CXCR1: variants seen among roughly 807,000 people sequenced by gnomAD.
The protein encoded by CXCR1 is C-X-C motif chemokine receptor 1.
For synonymous variants in CXCR1, 180 were observed against 184.7 expected, an observed-to-expected ratio of 0.97 and a Z score of 0.21; for missense variants, 419 against 440.5, an observed-to-expected ratio of 0.95 and a Z score of 0.44.
At position 218,164,816 on chromosome 2, in the gene CXCR1, ACT is replaced by A; in HGVS notation, c.394_395del (p.Ser132CysfsTer57). 6.2e-7 allele frequency: 1 copy of A among 1,614,248 alleles called. No homozygotes were observed. The highest frequency in any genetic ancestry group is 1.6e-4 in the Middle Eastern group (1 of 6,062). On this transcript the variant is annotated frameshift_variant, in exon 2 of 2. Transcript: ENST00000295683. LOFTEE classifies it low-confidence loss of function (END_TRUNC). ...GGACAATGGCCAGGTAACGGTCCAC[ACT>A]GATGCAGGCCAACAGCAGGATGCCA... Reference protein sequence around the residue: ...YSGILLLACISVDRYLAIVHA... With the variant: ...YSGILLLACIXVDRYLAIVHA...
rs750457216 is a variant in CXCR1, at chr2:218,165,228, G to A, written c.-17C>T. ...ATTTGACATGTCCTCTTCAGTTTCA[G>A]CAATGGTTTGATCTAACTGGAAGGT... On this transcript the variant is annotated 5_prime_UTR_variant, in exon 2 of 2. Transcript: ENST00000295683. The A allele has an allele frequency of 1.9e-6, 3 of 1,610,448 alleles. No individual in the cohort carries two copies. The highest frequency in any genetic ancestry group is 1.1e-5 in the South Asian group (1 of 91,038).
chr2:218,166,835 A>G (rs1280466665), intron 1 of CXCR1, 73 bp downstream of exon 1: 3 of 152,198 alleles, frequency 2.0e-5, no homozygotes, highest in South Asian at 2.1e-4. Flanking sequence ...AAATGAATAC[A>G]TTTTCCAAAA....
Position 218,164,952 on chromosome 2 carries a change from A to G in CXCR1, c.260T>C (p.Leu87Pro). 1.2e-6 allele frequency: 2 copies of G among 1,614,224 alleles called. No homozygotes were observed. Among genetic ancestry groups the G allele is most frequent in the Non-Finnish European group, 1.7e-6 (2 of 1,180,044 alleles). Residue 87 changes from leucine (L) to proline (P), a missense_variant, in exon 2 of 2, where the codon CTC (leucine) becomes CCC (proline). Leu to Pro is a moderately conservative substitution (Grantham distance 98, BLOSUM62 -3). Coordinates refer to ENST00000295683, the MANE Select transcript of CXCR1 (RefSeq NM_000634.3). ...YLLNLALADL[L>P]FALTLPIWAA... ...CCAGATGGGCAAGGTCAGGGCAAAG[A>G]GTAGGTCGGCCAAGGCCAGGTTCAG...
In CXCR1 at chr2:218,163,633, G is replaced by A. The variant is rs1691228290; in HGVS notation, c.*526C>T. ...TCCTCACAAGGCCAGCTGGCAGGTT[G>A]ATGTTTTGGCAGTGCCTGCCTCAAT... is the stretch of plus-strand genomic sequence containing the variant. On this transcript the variant is annotated 3_prime_UTR_variant, in exon 2 of 2. Coordinates refer to ENST00000295683, the MANE Select transcript of CXCR1 (RefSeq NM_000634.3). 1 of 162,198 alleles carries A rather than the reference G, an allele frequency of 6.2e-6. No homozygotes were observed. The highest frequency in any genetic ancestry group is 5.7e-5 in the Admixed American group (1 of 17,546). 10.0% of individuals were successfully genotyped at this position (162,198 alleles called of 1,614,324 possible).
rs1434464306 is a variant in CXCR1, at chr2:218,164,356, C to T, written c.856G>A (p.Ala286Thr). 2.5e-6 allele frequency: 4 copies of T among 1,612,694 alleles called. No homozygotes were observed. The highest frequency in any genetic ancestry group is 1.3e-5 in the African/African-American group (1 of 74,880). The change falls in exon 2 of 2, where the codon GCC (alanine) becomes ACC (threonine). Residue 286 changes from alanine (A) to threonine (T), a missense_variant. Coordinates refer to ENST00000295683, the MANE Select transcript of CXCR1 (RefSeq NM_000634.3). ...SCERRNNIGR[A>T]LDATEILGFL... ...CCCAGAATCTCAGTGGCATCCAGGG[C>T]CCGGCCGATGTTGTTGCGGCGCTCA...
chr2:218,165,268 T>A, intron 1 of CXCR1, 24 bp from the exon 2 acceptor site: 1 of 1,483,206 alleles, frequency 6.7e-7, no homozygotes, highest in Non-Finnish European at 9.4e-7. Context: ...AGGAAGGAAA[T>A]GTGATTTAGT....
rs771984231 is a variant in CXCR1, at chr2:218,165,173, A to G, written c.39T>C (p.Asp13=). 6.2e-7 allele frequency: 1 copy of G among 1,614,230 alleles called. No homozygotes were observed. Among genetic ancestry groups the G allele is most frequent in the Admixed American group, 1.7e-5 (1 of 60,028 alleles). The change falls in exon 2 of 2, where the codon GAT becomes GAC. Residue 13 remains aspartate, a synonymous_variant. Coordinates refer to ENST00000295683, the MANE Select transcript of CXCR1 (RefSeq NM_000634.3). ...NITDPQMWDF[D]DLNFTGMPPA... is the part of the protein sequence containing the mutation. The stretch of plus-strand genomic sequence containing the variant: ...GTGGCATGCCAGTGAAATTTAGATC[A>G]TCAAAATCCCACATCTGTGGATCTG...
intron 1 of CXCR1, among the ~76,000 whole-genome samples, chr2:218,165,980 G>A (rs929130236): frequency 1.3e-5 from 2 of 152,158 alleles, no homozygotes; most frequent in Admixed American, 6.5e-5. Flanking sequence ...AGCCCAGTAT[G>A]TGAAGCAGAT....
rs1474555785 is a variant in CXCR1 at position 218,162,994 on chromosome 2, A to T, written c.*1165T>A. Reference sequence around the variant, plus strand: ...GAAAGCATTTGGGGAGGGACTGGTGAGCTCACATAGCTTGAGGCAGGGCTA... The same window carrying T: ...GAAAGCATTTGGGGAGGGACTGGTGTGCTCACATAGCTTGAGGCAGGGCTA... On this transcript the variant is annotated 3_prime_UTR_variant, in exon 2 of 2. Coordinates refer to ENST00000295683, the MANE Select transcript of CXCR1 (RefSeq NM_000634.3). 1.3e-5 allele frequency: 2 copies of T among 152,438 alleles called. No individual in the cohort carries two copies. The highest frequency in any genetic ancestry group is 4.8e-5 in the African/African-American group (2 of 41,452). 9.4% of individuals were successfully genotyped at this position (152,438 alleles called of 1,614,324 possible).
rs1164801954 is a variant in CXCR1 at position 218,164,345 on chromosome 2, G to C, written c.867C>G (p.Ala289=). The change falls in exon 2 of 2, where the codon GCC becomes GCG. Residue 289 remains alanine (A), a synonymous_variant. Transcript: ENST00000295683. ...RRNNIGRALD[A]TEILGFLHSC... ...TATGGAGAAATCCCAGAATCTCAGT[G>C]GCATCCAGGGCCCGGCCGATGTTGT... The C allele has an allele frequency of 6.2e-7, 1 of 1,612,088 alleles. No homozygotes were observed. The highest frequency in any genetic ancestry group is 8.5e-7 in the Non-Finnish European group (1 of 1,178,518).
Position 218,165,171 on chromosome 2 carries a change from T to C in CXCR1, c.41A>G (p.Asp14Gly). 6.2e-7 allele frequency: 1 copy of C among 1,614,228 alleles called. No individual in the cohort carries two copies. Among genetic ancestry groups the C allele is most frequent in the South Asian group, 1.1e-5 (1 of 91,090 alleles). ...ITDPQMWDFD[D>G]LNFTGMPPAD... ...AGGTGGCATGCCAGTGAAATTTAGA[T>C]CATCAAAATCCCACATCTGTGGATC... Residue 14 changes from aspartate (D) to glycine (G), a missense_variant, in exon 2 of 2, where the codon GAT becomes GGT. By Grantham distance (94) the Asp-to-Gly change is moderately conservative. Coordinates refer to ENST00000295683, the MANE Select transcript of CXCR1 (RefSeq NM_000634.3).
At position 218,163,862 on chromosome 2, in the gene CXCR1, G is replaced by A. The variant is rs1425452084; in HGVS notation, c.*297C>T. 1 of 397,812 alleles carries A rather than the reference G, an allele frequency of 2.5e-6. No homozygotes were observed. Among genetic ancestry groups the A allele is most frequent in the Non-Finnish European group, 4.8e-6 (1 of 208,016 alleles). The allele number at this position is 397,812 out of a possible 1,614,324, so 24.6% of individuals were successfully genotyped here. On this transcript the variant is annotated 3_prime_UTR_variant, in exon 2 of 2. Coordinates refer to ENST00000295683, the MANE Select transcript of CXCR1 (RefSeq NM_000634.3). ...TCTCTCATCTAATGTCAGATTCGGG[G>A]CTCAGATGTGGCCATGCTAATTAGC...
chr2:218,164,581 A>G lies in CXCR1; in HGVS notation c.631T>C (p.Phe211Leu), dbSNP rs376321971. 1.7e-5 allele frequency: 27 copies of G among 1,614,120 alleles called. No homozygotes were observed. Among genetic ancestry groups the G allele is most frequent in the Admixed American group, 1.0e-4 (6 of 60,000 alleles). Residue 211 changes from phenylalanine to leucine, a missense_variant, in exon 2 of 2, where the codon TTC becomes CTC. By Grantham distance (22) the Phe-to-Leu change is conservative. Coordinates refer to ENST00000295683, the MANE Select transcript of CXCR1 (RefSeq NM_000634.3). ...AGCATGACAAACAGCGGCACGATGA[A>G]GCCAAAGGTGTGAGGCAGGATCCGC... ...VLRILPHTFG[F>L]IVPLFVMLFC...
rs776736186 is a variant in CXCR1, at chr2:218,164,138, A to G, written c.*21T>C. On this transcript the variant is annotated 3_prime_UTR_variant, in exon 2 of 2. Coordinates refer to ENST00000295683, the MANE Select transcript of CXCR1 (RefSeq NM_000634.3). ...GGTTATTCTTTCCTTCTGAGAAGAGATATTCCTTCATCGATGGTTTTCAGA... is the reference window on the plus strand; with the variant it reads ...GGTTATTCTTTCCTTCTGAGAAGAGGTATTCCTTCATCGATGGTTTTCAGA... 2.5e-6 allele frequency: 4 copies of G among 1,611,134 alleles called. No homozygotes were observed. The highest frequency in any genetic ancestry group is 3.4e-6 in the Non-Finnish European group (4 of 1,178,152).
chr2:218,164,178 T>A lies in CXCR1; in HGVS notation c.1034A>T (p.Asn345Ile). The A allele has an allele frequency of 6.2e-7, 1 of 1,614,124 alleles. No homozygotes were observed. The highest frequency in any genetic ancestry group is 2.2e-5 in the East Asian group (1 of 44,886). The change falls in exon 2 of 2, where the codon AAT becomes ATT. Residue 345 changes from asparagine to isoleucine, a missense_variant. Coordinates refer to ENST00000295683, the MANE Select transcript of CXCR1 (RefSeq NM_000634.3). Reference sequence around the variant, plus strand: ...TGGTTTTCAGAGGTTGGAAGAGACATTGACAGACGAAGAAGTGTAGGAGGT... The same window carrying A: ...TGGTTTTCAGAGGTTGGAAGAGACAATGACAGACGAAGAAGTGTAGGAGGT... The part of the protein sequence containing the change: ...RVTSYTSSSV[N>I]VSSNL
At position 218,164,846 on chromosome 2, in the gene CXCR1, G is replaced by A. The variant is rs1310736547; in HGVS notation, c.366C>T (p.Tyr122=). The change falls in exon 2 of 2, where the codon TAC becomes TAT. Residue 122 remains tyrosine (Y), a synonymous_variant. Coordinates refer to ENST00000295683, the MANE Select transcript of CXCR1 (RefSeq NM_000634.3). ...TGCAGGCCAACAGCAGGATGCCACT[G>A]TAGAAGTTGACTTCCTTCAGGAGTG... ...VVSLLKEVNF[Y]SGILLLACIS... The A allele has an allele frequency of 3.1e-6, 5 of 1,614,232 alleles. No homozygotes were observed. Among genetic ancestry groups the A allele is most frequent in the South Asian group, 1.1e-5 (1 of 91,086 alleles).
chr2:218,164,140 A>C lies in CXCR1; in HGVS notation c.*19T>G. On this transcript the variant is annotated 3_prime_UTR_variant, in exon 2 of 2. Coordinates refer to ENST00000295683, the MANE Select transcript of CXCR1 (RefSeq NM_000634.3). ...TTATTCTTTCCTTCTGAGAAGAGAT[A>C]TTCCTTCATCGATGGTTTTCAGAGG... The C allele has an allele frequency of 2.5e-6, 4 of 1,607,712 alleles. No individual in the cohort carries two copies. Among genetic ancestry groups the C allele is most frequent in the Non-Finnish European group, 3.4e-6 (4 of 1,174,850 alleles).
Position 218,164,127 on chromosome 2 carries a change from T to C in CXCR1, c.*32A>G. 6.2e-7 allele frequency: 1 copy of C among 1,610,938 alleles called. No homozygotes were observed. Among genetic ancestry groups the C allele is most frequent in the Non-Finnish European group, 8.5e-7 (1 of 1,179,136 alleles). The stretch of plus-strand genomic sequence containing the variant: ...CTCAGGGTGTTGGTTATTCTTTCCT[T>C]CTGAGAAGAGATATTCCTTCATCGA... On this transcript the variant is annotated 3_prime_UTR_variant, in exon 2 of 2. Transcript: ENST00000295683.
At position 218,164,222 on chromosome 2, in the gene CXCR1, G is replaced by A. The variant is rs377259708; in HGVS notation, c.990C>T (p.Phe330=). The A allele has an allele frequency of 2.0e-5, 32 of 1,614,048 alleles. No individual in the cohort carries two copies. In the Admixed American group the frequency reaches 3.3e-4, roughly 17 times the overall value. The change falls in exon 2 of 2, where the codon TTC becomes TTT. Residue 330 remains phenylalanine, a synonymous_variant. Coordinates refer to ENST00000295683, the MANE Select transcript of CXCR1 (RefSeq NM_000634.3). The part of the protein sequence containing the change: ...LAMHGLVSKE[F]LARHRVTSYT... ...AGGAGGTAACACGATGACGTGCCAAGAACTCCTTGCTGACCAGGCCATGCA... is the reference window on the plus strand; with the variant it reads ...AGGAGGTAACACGATGACGTGCCAAAAACTCCTTGCTGACCAGGCCATGCA...
Sources: gnomAD v4.1 joint callset for allele counts (sites outside exome capture counted in the v4.1 genomes callset) on GRCh38, gnomAD v4.1.1 for gene constraint, MANE v1.5 for transcripts, NCBI Gene and HGNC (gene_info 2026-07-23, HGNC 2026-07-21) for gene names.